The following CRMP1 variants were observed in gnomAD, a reference collection of about 807,000 sequenced individuals.
CRMP1 encodes the protein collapsin response mediator protein 1.
A neutral mutation model predicts 68.3 loss-of-function variants in CRMP1; 19 were observed. The ratio of observed to expected loss-of-function variants is 0.28; its 90% CI spans 0.19 to 0.41. CRMP1 has a LOEUF of 0.41. Among genes scored for constraint, CRMP1 ranks in the 10% least tolerant of loss-of-function variants. The pLI, the probability that CRMP1 is intolerant of heterozygous loss-of-function variation, is 1.00. For missense variants in CRMP1, 791 were observed against 967.4 expected, an observed-to-expected ratio of 0.82 and a Z score of 2.42; for synonymous variants, 439 against 399.6, an observed-to-expected ratio of 1.10 and a Z score of -1.18.
chr4:5,839,125 C>T (rs1314323318), intron 9 of CRMP1, among the ~76,000 whole-genome samples: 2 of 152,224 alleles, frequency 1.3e-5, no homozygotes, highest in African/African-American at 4.8e-5. Context: ...GGCAGCTCTG[C>T]CACAGGTACT....
Position 5,825,403 on chromosome 4 carries a change from A to AGGCCACGTGTCCAT in CRMP1, c.1969+77_1969+90dup, listed in dbSNP as rs1719391408. 1 of 1,487,248 alleles carries AGGCCACGTGTCCAT rather than the reference A, an allele frequency of 6.7e-7. No homozygotes were observed. The highest frequency in any genetic ancestry group is 1.5e-5 in the South Asian group (1 of 68,286). The allele number at this position is 1,487,248 out of a possible 1,614,324, so 92.1% of individuals were successfully genotyped here. On this transcript the variant is annotated intron_variant, in intron 13 of 13. Coordinates refer to ENST00000324989, the MANE Select transcript of CRMP1 (RefSeq NM_001014809.3). The surrounding 1 kb of genome is among the most constrained non-coding windows in gnomAD (Gnocchi z 4.4). The stretch of plus-strand genomic sequence containing the variant: ...TCCCTGCTTCTTCATCTAGTGTCCA[A>AGGCCACGTGTCCAT]GGCCACGTGTCCATTTCCTCAGAAG...
rs1208479530 is a variant in CRMP1, at chr4:5,837,182, GTGTT to G, written c.1311-280_1311-277del. Among the ~76,000 whole-genome samples the G allele has an allele frequency of 2.6e-5, 4 of 152,336 alleles. No homozygotes were observed. The East Asian group carries it at 7.7e-4, about 29-fold the overall frequency. On this transcript the variant is annotated intron_variant, in intron 9 of 13. Transcript: ENST00000324989. The stretch of plus-strand genomic sequence containing the variant: ...GCAGTTGGCTTAAGGGCTGGCCAGA[GTGTT>G]TGTGCTGTGCTTGCAGAACAAACAC...
chr4:5,827,915 C>T, intron 12 of CRMP1: 1 of 517,834 alleles, frequency 1.9e-6, no homozygotes, highest in Middle Eastern at 9.7e-4. Context: ...GGAATAGAGC[C>T]TGCTCCTTCC....
rs1711983011 is a variant in CRMP1, at chr4:5,843,882, T to C, written c.964-721A>G. 6.6e-6 allele frequency among the ~76,000 whole-genome samples: 1 copy of C among 152,112 alleles called. No individual in the cohort carries two copies. Among genetic ancestry groups the C allele is most frequent in the Non-Finnish European group, 1.5e-5 (1 of 68,024 alleles). ...TGAAACTTATCATATAACCTTGAAA[T>C]GGTTCCCTGGGCTGATGGCCTAGAT... On this transcript the variant is annotated intron_variant, in intron 6 of 13. Transcript: ENST00000324989. The surrounding 1 kb of genome is among the most constrained non-coding windows in gnomAD (Gnocchi z 4.1).
At chr4:5,849,577 C>A (rs1055859287) in intron 5 of CRMP1, 105 bp from the exon 6 acceptor site, 26 of 708,156 alleles carry the variant, frequency 3.7e-5, no homozygotes, top group Admixed American at 1.5e-4. Flanking sequence ...CGGTCATTCA[C>A]CTGCCAGCCT....
At chr4:5,849,504 A>AT (rs1383856371) in intron 5 of CRMP1, 32 bp from the exon 6 acceptor site, 12 of 1,409,168 alleles carry the variant, frequency 8.5e-6, no homozygotes, top group East Asian at 4.6e-5. Flanking sequence ...TTGGTGTGAG[A>AT]TTTAAAAAAA....
In CRMP1 at chr4:5,822,562, A is replaced by T. The variant is rs571160604; in HGVS notation, c.1970-711T>A. ...AAAACCAACCATCCATTCTACTTTT[A>T]CCTATTCTCTTGCATAAAGATGTAA... is the stretch of plus-strand genomic sequence containing the variant. On this transcript the variant is annotated intron_variant, in intron 13 of 13. Transcript: ENST00000324989. Among the ~76,000 whole-genome samples, 8 of 151,560 alleles carry T rather than the reference A, an allele frequency of 5.3e-5. No homozygotes were observed. The South Asian group carries it at 1.3e-3, about 24-fold the overall frequency.
At chr4:5,868,290 T>TATATATATATCTATCTATATATAG (rs1714174903) in intron 1 of CRMP1, among the ~76,000 whole-genome samples, 1 of 131,396 alleles carries the variant, frequency 7.6e-6, no homozygotes, top group African/African-American at 3.3e-5. Flanking sequence ...TATATATATA[T>TATATATATATCTATCTATATATAG]ATATATATAT....
At chr4:5,887,260 C>A (rs1560524571) in intron 1 of CRMP1, 2 of 776,528 alleles carry the variant, frequency 2.6e-6, no homozygotes, top group Non-Finnish European at 3.1e-6. Context: ...TGCCCTGCGA[C>A]TGTCCAGGAG....
In CRMP1 at chr4:5,870,338, G is replaced by C. The variant is rs908397258; in HGVS notation, c.382-3582C>G. On this transcript the variant is annotated intron_variant, in intron 1 of 13. Transcript: ENST00000324989. This position sits in a 1 kb window ranked among gnomAD's most constrained non-coding sequence, Gnocchi z 6.0. ...TGGCAGGCTATGTATTTCTAGGTCT[G>C]TCTAAAATGTAACTTGCCACACTGG... 3.3e-5 allele frequency among the ~76,000 whole-genome samples: 5 copies of C among 152,208 alleles called. No individual in the cohort carries two copies. Among genetic ancestry groups the C allele is most frequent in the African/African-American group, 1.2e-4 (5 of 41,458 alleles).
At position 5,838,414 on chromosome 4, in the gene CRMP1, C is replaced by A. The variant is rs1390697535; in HGVS notation, c.1310+1108G>T. Among the ~76,000 whole-genome samples, 1 of 151,590 alleles carries A rather than the reference C, an allele frequency of 6.6e-6. No individual in the cohort carries two copies. Among genetic ancestry groups the A allele is most frequent in the African/African-American group, 2.4e-5 (1 of 41,260 alleles). ...AGGGGTGCTTGATCTAATCTAGGTT[C>A]TAAATGTCTGACAGCAGACTGTGAT... On this transcript the variant is annotated intron_variant, in intron 9 of 13. Coordinates refer to ENST00000324989, the MANE Select transcript of CRMP1 (RefSeq NM_001014809.3). This position sits in a 1 kb window ranked among gnomAD's most constrained non-coding sequence, Gnocchi z 4.9.
In CRMP1 at chr4:5,851,488, G is replaced by A. The variant is rs764569323; in HGVS notation, c.821-19C>T. On this transcript the variant is annotated intron_variant, in intron 4 of 13. Transcript: ENST00000324989. ...TTGACGCCTGTTTCAAGATAGAAAGGATAGAAAAATATGTTTAAGAAAAAA... is the reference window on the plus strand; with the variant it reads ...TTGACGCCTGTTTCAAGATAGAAAGAATAGAAAAATATGTTTAAGAAAAAA... The A allele has an allele frequency of 6.2e-7, 1 of 1,610,660 alleles. No homozygotes were observed. The highest frequency in any genetic ancestry group is 1.3e-5 in the African/African-American group (1 of 74,850).
At chr4:5,887,616 T>A (rs1265682020) in intron 1 of CRMP1, 4 of 984,904 alleles carry the variant, frequency 4.1e-6, no homozygotes, top group Non-Finnish European at 4.8e-6. Flanking sequence ...GTCGGGAACA[T>A]TAACCCTTCC....
intron 13 of CRMP1, among the ~76,000 whole-genome samples, chr4:5,822,272 G>A (rs529627068): frequency 7.9e-5 from 12 of 152,228 alleles, no homozygotes; most frequent in Admixed American, 6.5e-5. Context: ...TTCAGGCCAC[G>A]TGTCTTGCGG....
At position 5,860,064 on chromosome 4, in the gene CRMP1, T is replaced by C. The variant is rs1246968449; in HGVS notation, c.655+962A>G. Among the ~76,000 whole-genome samples, 1 of 152,096 alleles carries C rather than the reference T, an allele frequency of 6.6e-6. No homozygotes were observed. Among genetic ancestry groups the C allele is most frequent in the Non-Finnish European group, 1.5e-5 (1 of 68,022 alleles). On this transcript the variant is annotated intron_variant, in intron 3 of 13. Transcript: ENST00000324989. The surrounding 1 kb of genome is among the most constrained non-coding windows in gnomAD (Gnocchi z 4.2). ...AGGGCAATGGAGGAGGAGTCCAGTT[T>C]CCCAGACCGAGCACTGCTGGGGAGT...
chr4:5,831,123 AT>A (rs1202904575), intron 11 of CRMP1, among the ~76,000 whole-genome samples: 2 of 151,600 alleles, frequency 1.3e-5, no homozygotes, highest in African/African-American at 4.8e-5. Flanking sequence ...TAATTTTTTT[AT>A]TTTTTTGTAG....
At chr4:5,868,400 C>T (rs2152470635) in intron 1 of CRMP1, among the ~76,000 whole-genome samples, 1 of 151,080 alleles carries the variant, frequency 6.6e-6, no homozygotes, top group Non-Finnish European at 1.5e-5. Flanking sequence ...CTCCTGGGTT[C>T]ACACCATTCT....
rs1170141495 is a variant in CRMP1, at chr4:5,858,787, C to T, written c.655+2239G>A. On this transcript the variant is annotated intron_variant, in intron 3 of 13. Coordinates refer to ENST00000324989, the MANE Select transcript of CRMP1 (RefSeq NM_001014809.3). The surrounding 1 kb of genome is among the most constrained non-coding windows in gnomAD (Gnocchi z 5.5). ...GGCCATCGAGGCCCAGGGTTGTCCT[C>T]TCCTTCCAGCCTTGCCTCACAGGAT... 6.6e-6 allele frequency among the ~76,000 whole-genome samples: 1 copy of T among 152,210 alleles called. No individual in the cohort carries two copies. The highest frequency in any genetic ancestry group is 2.4e-5 in the African/African-American group (1 of 41,460).
chr4:5,888,738 A>C lies in CRMP1; in HGVS notation c.381+3851T>G. ...AGAGTATGGTTTTCAGGGCTCCTTT[A>C]AAAGAAAAAGACGGCGCGGTCAGGG... is the stretch of plus-strand genomic sequence containing the variant. On this transcript the variant is annotated intron_variant, in intron 1 of 13. Coordinates refer to ENST00000324989, the MANE Select transcript of CRMP1 (RefSeq NM_001014809.3). This position sits in a 1 kb window ranked among gnomAD's most constrained non-coding sequence, Gnocchi z 6.4. The C allele has an allele frequency of 6.5e-6, 4 of 611,004 alleles. No homozygotes were observed. Among genetic ancestry groups the C allele is most frequent in the Non-Finnish European group, 8.2e-6 (4 of 489,626 alleles). The allele number at this position is 611,004 out of a possible 1,614,324, so 37.8% of individuals were successfully genotyped here. A position where few individuals can be genotyped will look rare whatever the true frequency, so the allele number is the denominator to read the frequency against.
Sources: gnomAD v4.1 joint callset for allele counts (sites outside exome capture counted in the v4.1 genomes callset) on GRCh38, gnomAD v4.1.1 for gene constraint, Gnocchi (gnomAD v3.1) non-coding constraint, MANE v1.5 for transcripts, NCBI Gene and HGNC (gene_info 2026-07-23, HGNC 2026-07-21) for gene names.